DDX10: variants seen among roughly 807,000 people sequenced by gnomAD.
The protein encoded by DDX10 is probable ATP-dependent RNA helicase DDX10.
A neutral mutation model predicts 104.3 loss-of-function variants in DDX10; 74 were observed. The ratio of observed to expected loss-of-function variants is 0.71; its 90% CI spans 0.59 to 0.86. The LOEUF is 0.86. DDX10 is among the 40% of genes least tolerant of loss of function. DDX10 has a pLI of 0.00. For missense variants in DDX10, 952 were observed against 1,040.0 expected (o/e 0.92, Z 1.16); for synonymous variants, 351 against 353.4 (o/e 0.99, Z 0.08).
intron 12 of DDX10, among the ~76,000 whole-genome samples, 161 bp from the exon 13 acceptor site, chr11:108,722,836 C>A (rs1278555346): frequency 6.6e-6 from 1 of 152,160 alleles, no homozygotes; most frequent in African/African-American, 2.4e-5. Context: ...TTTTGCCTTA[C>A]TTTTTGGATC....
chr11:108,865,030 T>C (rs1052771413), intron 16 of DDX10, among the ~76,000 whole-genome samples: 3 of 152,180 alleles, frequency 2.0e-5, no homozygotes, highest in African/African-American at 7.2e-5. Flanking sequence ...ATGAGAGGTA[T>C]GTTGCCAAGA....
chr11:108,800,423 C>T (rs372398485), intron 13 of DDX10, among the ~76,000 whole-genome samples: 25 of 117,518 alleles, frequency 2.1e-4, no homozygotes, highest in African/African-American at 6.9e-4. Flanking sequence ...CCAGCCTGGG[C>T]GACAGAGCGA....
chr11:108,908,424 T>C (rs545160714), intron 16 of DDX10, among the ~76,000 whole-genome samples: 11 of 152,378 alleles, frequency 7.2e-5, no homozygotes, highest in Admixed American at 4.6e-4. Context: ...GTTGACATTT[T>C]GCTTTTAATT....
At chr11:108,744,961 A>G (rs1261110743) in intron 13 of DDX10, among the ~76,000 whole-genome samples, 1 of 151,806 alleles carries the variant, frequency 6.6e-6, no homozygotes, top group Non-Finnish European at 1.5e-5. Context: ...GTTGTGGCCA[A>G]TCAATTTTGG....
intron 16 of DDX10, among the ~76,000 whole-genome samples, chr11:108,872,292 T>C (rs1252874351): frequency 6.6e-6 from 1 of 152,210 alleles, no homozygotes; most frequent in Non-Finnish European, 1.5e-5. Flanking sequence ...GTTATTTGCA[T>C]TGAATATCCT....
intron 16 of DDX10, among the ~76,000 whole-genome samples, chr11:108,870,148 A>C (rs1863060790): frequency 6.6e-6 from 1 of 152,136 alleles, no homozygotes; most frequent in Non-Finnish European, 1.5e-5. Flanking sequence ...TAAAAATAAA[A>C]ACTTTATTAA....
chr11:108,759,438 C>T (rs1377290157), intron 13 of DDX10, among the ~76,000 whole-genome samples: 2 of 151,944 alleles, frequency 1.3e-5, no homozygotes, highest in African/African-American at 2.4e-5. Flanking sequence ...CGCTAACCAT[C>T]GCTCATACAG....
chr11:108,779,679 A>G (rs898918456), intron 13 of DDX10, among the ~76,000 whole-genome samples: 11 of 152,188 alleles, frequency 7.2e-5, no homozygotes, highest in African/African-American at 2.7e-4. Context: ...AAAAAAATAA[A>G]AAATAATAAA....
intron 10 of DDX10, among the ~76,000 whole-genome samples, chr11:108,715,537 A>C (rs549720223): frequency 6.6e-6 from 1 of 152,152 alleles, no homozygotes; most frequent in Non-Finnish European, 1.5e-5. Flanking sequence ...AAAAAATTAG[A>C]TTTAATTTAT....
intron 10 of DDX10, among the ~76,000 whole-genome samples, chr11:108,708,391 G>T (rs1451191739): frequency 1.3e-5 from 2 of 148,992 alleles, no homozygotes; most frequent in Admixed American, 6.7e-5. Context: ...TGCATTCCTG[G>T]GATAATTCTC....
At chr11:108,742,045 G>C (rs2094325820) in intron 13 of DDX10, among the ~76,000 whole-genome samples, 1 of 150,944 alleles carries the variant, frequency 6.6e-6, no homozygotes. Context: ...GATCGCCTGA[G>C]ATCAGGAGTT....
At chr11:108,744,523 G>A (rs2094329073) in intron 13 of DDX10, among the ~76,000 whole-genome samples, 1 of 152,120 alleles carries the variant, frequency 6.6e-6, no homozygotes, top group Non-Finnish European at 1.5e-5. Context: ...AAATACTATT[G>A]AGCCTTTATG....
intron 16 of DDX10, among the ~76,000 whole-genome samples, chr11:108,856,706 T>G (rs1862874921): frequency 6.6e-6 from 1 of 152,206 alleles, no homozygotes. Context: ...GTCTTATTAT[T>G]TGACAAAGTA....
intron 17 of DDX10, among the ~76,000 whole-genome samples, chr11:108,925,018 A>C (rs1490297893): frequency 6.6e-6 from 1 of 152,152 alleles, no homozygotes; most frequent in Non-Finnish European, 1.5e-5. Flanking sequence ...TACTCTTTTC[A>C]GCTTCAGGAG....
intron 13 of DDX10, among the ~76,000 whole-genome samples, chr11:108,811,206 G>A (rs1035049126): frequency 3.3e-5 from 5 of 152,174 alleles, no homozygotes; most frequent in Non-Finnish European, 4.4e-5. Context: ...GGCTTTGGCT[G>A]TATATACATT....
chr11:108,817,871 T>C (rs1304579413), intron 13 of DDX10, among the ~76,000 whole-genome samples: 1 of 152,240 alleles, frequency 6.6e-6, no homozygotes, highest in South Asian at 2.1e-4. Context: ...GGATCAGGCA[T>C]TTGCCTCTGA....
intron 17 of DDX10, among the ~76,000 whole-genome samples, chr11:108,933,536 G>T (rs934678858): frequency 6.6e-6 from 1 of 152,066 alleles, no homozygotes; most frequent in Non-Finnish European, 1.5e-5. Flanking sequence ...CATTTTTATT[G>T]AAGTGACATG....
intron 16 of DDX10, among the ~76,000 whole-genome samples, chr11:108,916,925 A>G (rs1863758277): frequency 6.6e-6 from 1 of 152,032 alleles, no homozygotes; most frequent in Non-Finnish European, 1.5e-5. Context: ...CTCAACTTCC[A>G]TACATTCCCT....
chr11:108,713,880 G>A (rs1405390024), intron 10 of DDX10, among the ~76,000 whole-genome samples: 1 of 152,068 alleles, frequency 6.6e-6, no homozygotes, highest in African/African-American at 2.4e-5. Context: ...TATGCCTCCG[G>A]ACTGTGAACT....
Sources: gnomAD v4.1 joint callset for allele counts (sites outside exome capture counted in the v4.1 genomes callset) on GRCh38, gnomAD v4.1.1 for gene constraint, MANE v1.5 for transcripts, NCBI Gene and HGNC (gene_info 2026-07-23, HGNC 2026-07-21) for gene names.